The following NWD2 variants were observed in gnomAD, a reference collection of about 807,000 sequenced individuals.
NWD2 encodes NACHT and WD repeat domain containing 2.
NWD2 carries 37 observed loss-of-function variants against 132.7 expected under a neutral mutation model. That is an observed-to-expected ratio of 0.28 (90% CI 0.21 to 0.37). The LOEUF is 0.37. NWD2 is among the 10% of genes least tolerant of loss of function. The pLI, the probability that NWD2 is intolerant of heterozygous loss-of-function variation, is 1.00. For synonymous variants in NWD2, 705 were observed against 803.0 expected, an observed-to-expected ratio of 0.88 and a Z score of 2.06; for missense variants, 1,592 against 2,122.4, an observed-to-expected ratio of 0.75 and a Z score of 4.91.
chr4:37,315,561 T>C (rs1319518387), intron 1 of NWD2, among the ~76,000 whole-genome samples: 1 of 152,150 alleles, frequency 6.6e-6, no homozygotes, highest in Non-Finnish European at 1.5e-5. Flanking sequence ...TCTATCCTTT[T>C]ACTTTCAACA....
intron 3 of NWD2, among the ~76,000 whole-genome samples, chr4:37,365,709 G>A (rs1352548509): frequency 6.6e-6 from 1 of 152,138 alleles, no homozygotes; most frequent in Non-Finnish European, 1.5e-5. Context: ...TAATTGTCTG[G>A]TGAAAGCCAA....
chr4:37,357,378 G>T (rs1203440338), intron 3 of NWD2, among the ~76,000 whole-genome samples: 1 of 152,182 alleles, frequency 6.6e-6, no homozygotes, highest in East Asian at 1.9e-4. Flanking sequence ...CTCCGCATAG[G>T]ATTAGGAAGA....
intron 3 of NWD2, among the ~76,000 whole-genome samples, chr4:37,423,191 AC>A (rs1205146260): frequency 1.3e-5 from 2 of 152,186 alleles, no homozygotes; most frequent in Non-Finnish European, 2.9e-5. Flanking sequence ...CAAAAATATT[AC>A]CTTCATGTCT....
At chr4:37,301,764 T>C (rs1188168312) in intron 1 of NWD2, among the ~76,000 whole-genome samples, 1 of 152,114 alleles carries the variant, frequency 6.6e-6, no homozygotes, top group African/African-American at 2.4e-5. Flanking sequence ...AAGATAATTT[T>C]GTATTTCAGA....
intron 1 of NWD2, among the ~76,000 whole-genome samples, chr4:37,260,716 T>C (rs1415602535): frequency 6.6e-6 from 1 of 152,178 alleles, no homozygotes; most frequent in Non-Finnish European, 1.5e-5. Context: ...TAGGGTAAAA[T>C]AGGCATAAAA....
chr4:37,402,873 G>C lies in NWD2; in HGVS notation c.358-27699G>C, dbSNP rs143808239. Among the ~76,000 whole-genome samples the C allele has an allele frequency of 2.4e-3, 363 of 152,248 alleles. 2 individuals are homozygous for C. Among genetic ancestry groups the C allele is most frequent in the African/African-American group, 8.1e-3 (337 of 41,550 alleles). ...TCACTATTGTCTTTTGTCAGCTTTT[G>C]TTATATAAAATGTACTAGTTTTTAT... is the stretch of plus-strand genomic sequence containing the variant. On this transcript the variant is annotated intron_variant, in intron 3 of 6. Coordinates refer to ENST00000309447, the MANE Select transcript of NWD2 (RefSeq NM_001144990.2).
At chr4:37,357,713 C>A (rs180921558) in intron 3 of NWD2, among the ~76,000 whole-genome samples, 1 of 152,070 alleles carries the variant, frequency 6.6e-6, no homozygotes, top group South Asian at 2.1e-4. Context: ...GCAGGCAAAA[C>A]CCAAATAAGT....
chr4:37,321,694 GT>G (rs916508395), intron 1 of NWD2, among the ~76,000 whole-genome samples: 2 of 152,134 alleles, frequency 1.3e-5, no homozygotes, highest in Non-Finnish European at 2.9e-5. Flanking sequence ...TATGAATCAA[GT>G]TTTTTATTTA....
chr4:37,288,015 A>C (rs184958853), intron 1 of NWD2, among the ~76,000 whole-genome samples: 2 of 152,234 alleles, frequency 1.3e-5, no homozygotes, highest in African/African-American at 4.8e-5. Context: ...TTTCAGGGAC[A>C]TGGATGAAGC....
chr4:37,439,951 G>T lies in NWD2; in HGVS notation c.1296+561G>T, dbSNP rs903107825. ...ATTCCTATAAAGTCACAGTTTAGGG[G>T]ATATGGGAAAGGTAAGGTGGCCAGA... On this transcript the variant is annotated intron_variant, in intron 6 of 6. Coordinates refer to ENST00000309447, the MANE Select transcript of NWD2 (RefSeq NM_001144990.2). The surrounding 1 kb of genome is among the most constrained non-coding windows in gnomAD (Gnocchi z 4.5). Among the ~76,000 whole-genome samples the T allele has an allele frequency of 6.6e-6, 1 of 152,134 alleles. No homozygotes were observed. Among genetic ancestry groups the T allele is most frequent in the Non-Finnish European group, 1.5e-5 (1 of 68,030 alleles).
At chr4:37,286,137 T>C (rs1413237628) in intron 1 of NWD2, among the ~76,000 whole-genome samples, 1 of 152,252 alleles carries the variant, frequency 6.6e-6, no homozygotes, top group Non-Finnish European at 1.5e-5. Flanking sequence ...TATTTTCAAA[T>C]AGACTTTTAT....
At chr4:37,346,276 G>A (rs929186711) in intron 2 of NWD2, among the ~76,000 whole-genome samples, 2 of 152,134 alleles carry the variant, frequency 1.3e-5, no homozygotes, top group Non-Finnish European at 2.9e-5. Context: ...GGTTATGGAT[G>A]TGACATTGAA....
Position 37,305,876 on chromosome 4 carries a change from G to A in NWD2, c.152-20060G>A, listed in dbSNP as rs115549848. On this transcript the variant is annotated intron_variant, in intron 1 of 6. Coordinates refer to ENST00000309447, the MANE Select transcript of NWD2 (RefSeq NM_001144990.2). The stretch of plus-strand genomic sequence containing the variant: ...AATTAATTAATAGAATTAATGTGGA[G>A]GAATTTTTTTCTCTTCAGTTTTTTG... Among the ~76,000 whole-genome samples the A allele has an allele frequency of 9.2e-3, 1,395 of 152,134 alleles. 10 individuals are homozygous for A. The highest frequency in any genetic ancestry group is 0.032 in the African/African-American group (1,338 of 41,496).
Position 37,245,017 on chromosome 4 carries a change from CG to C in NWD2, c.-50del. ...TTCCGTGGAGCTGCGGGCAGGAACC[CG>C]AGGAGCAGGAGGTGGCGGCGGCGGC... is the stretch of plus-strand genomic sequence containing the variant. On this transcript the variant is annotated 5_prime_UTR_variant, in exon 1 of 7. Coordinates refer to ENST00000309447, the MANE Select transcript of NWD2 (RefSeq NM_001144990.2). 2 of 1,537,632 alleles carry C rather than the reference CG, an allele frequency of 1.3e-6. No individual in the cohort carries two copies. The highest frequency in any genetic ancestry group is 2.4e-5 in the South Asian group (2 of 83,558).
At chr4:37,346,310 A>G (rs895243547) in intron 2 of NWD2, among the ~76,000 whole-genome samples, 3 of 152,292 alleles carry the variant, frequency 2.0e-5, no homozygotes, top group South Asian at 2.1e-4. Context: ...CTTATTGAAA[A>G]TCAGTTGACC....
chr4:37,447,097 C>G lies in NWD2; in HGVS notation c.5109C>G (p.Ile1703Met), dbSNP rs1173705767. 1.3e-6 allele frequency: 2 copies of G among 1,551,586 alleles called. No homozygotes were observed. Among genetic ancestry groups the G allele is most frequent in the South Asian group, 1.2e-5 (1 of 84,054 alleles). The change falls in exon 7 of 7, where the codon ATC becomes ATG. Residue 1703 changes from isoleucine (I) to methionine (M), a missense_variant. Transcript: ENST00000309447. ...STEVFARDSPITVSDSTESNE... is the reference protein window; with the variant it reads ...STEVFARDSPMTVSDSTESNE... Reference sequence around the variant, plus strand: ...AGGTCTTTGCAAGAGACAGCCCCATCACAGTTAGTGACTCTACTGAGTCCA... The same window carrying G: ...AGGTCTTTGCAAGAGACAGCCCCATGACAGTTAGTGACTCTACTGAGTCCA...
chr4:37,428,882 C>T (rs535245204), intron 3 of NWD2, among the ~76,000 whole-genome samples: 16 of 152,316 alleles, frequency 1.1e-4, no homozygotes, highest in Non-Finnish European at 2.1e-4. Flanking sequence ...CAGGCACACA[C>T]CACCATGCCT....
intron 1 of NWD2, among the ~76,000 whole-genome samples, chr4:37,282,818 A>T (rs561903460): frequency 8.7e-4 from 133 of 152,274 alleles, no homozygotes; most frequent in African/African-American, 3.1e-3. Flanking sequence ...AGTTGTATTT[A>T]GTTTTTTTTA....
chr4:37,433,629 A>G, intron 4 of NWD2, among the ~76,000 whole-genome samples: 1 of 152,234 alleles, frequency 6.6e-6, no homozygotes, highest in South Asian at 2.1e-4. Flanking sequence ...AGCATGGTAT[A>G]TAAGAAAGTC....
Sources: allele counts gnomAD v4.1 joint callset (sites outside exome capture counted in the v4.1 genomes callset), GRCh38; gene constraint gnomAD v4.1.1; non-coding constraint Gnocchi (gnomAD v3.1); transcripts MANE v1.5; gene names NCBI Gene and HGNC (gene_info 2026-07-23, HGNC 2026-07-21).